Variants in TPTE2 observed in about 807,000 individuals in gnomAD.
TPTE2 encodes phosphatidylinositol 3,4,5-trisphosphate 3-phosphatase TPTE2.
A neutral mutation model predicts 78.6 loss-of-function variants in TPTE2; 53 were observed. The ratio of observed to expected loss-of-function variants is 0.67; its 90% CI spans 0.54 to 0.85. TPTE2 has a LOEUF of 0.85. Ranked by LOEUF, TPTE2 falls within the 40% of genes least tolerant of loss-of-function variation. TPTE2 has a pLI of 0.00. For missense variants in TPTE2, 461 were observed against 623.0 expected (o/e 0.74, Z 2.77); for synonymous variants, 175 against 206.2 (o/e 0.85, Z 1.30).
the TPTE2 span, among the ~76,000 whole-genome samples, chr13:19,555,955 G>A: frequency 1.1e-4 from 16 of 151,868 alleles, no homozygotes; most frequent in African/African-American, 3.6e-4. Flanking sequence ...TGGGATTACA[G>A]GCGCCCACCA....
intron 1 of TPTE2, among the ~76,000 whole-genome samples, chr13:19,531,318 T>C (rs1445318538): frequency 1.3e-5 from 2 of 152,156 alleles, no homozygotes; most frequent in Non-Finnish European, 2.9e-5. Context: ...TCTGCAGCAA[T>C]TTACATCTTT....
chr13:19,519,739 C>T (rs1417735285), intron 1 of TPTE2, among the ~76,000 whole-genome samples: 1 of 152,100 alleles, frequency 6.6e-6, no homozygotes, highest in African/African-American at 2.4e-5. Context: ...TGTTCTTCTT[C>T]AAGATTGTTT....
chr13:19,475,460 A>G, intron 5 of TPTE2, 113 bp downstream of exon 8: 1 of 1,186,292 alleles, frequency 8.4e-7, no homozygotes, highest in Non-Finnish European at 1.2e-6. Flanking sequence ...TCCTGACTTC[A>G]TGTGATCTGC....
intron 16 of TPTE2, among the ~76,000 whole-genome samples, chr13:19,431,562 T>C (rs1876604863): frequency 1.3e-5 from 2 of 152,248 alleles, no homozygotes; most frequent in Non-Finnish European, 2.9e-5. Context: ...CTTTGATTGT[T>C]CATCTCATAT....
At chr13:19,438,127 G>A (rs142982337) in exon 14 of TPTE2, 350 of 1,609,244 alleles carry the variant, frequency 2.2e-4, no homozygotes, top group African/African-American at 2.1e-4. Context: ...GCAATAAGGA[G>A]GGCACAAACC....
upstream of TPTE2, among the ~76,000 whole-genome samples, chr13:19,540,278 C>A (rs1871401213): frequency 1.1e-5 from 1 of 92,764 alleles, no homozygotes; most frequent in Non-Finnish European, 2.3e-5. Flanking sequence ...CCAATTAAAT[C>A]TCATTATTAT....
At chr13:19,511,040 T>C (rs529079061) in intron 1 of TPTE2, among the ~76,000 whole-genome samples, 1 of 152,334 alleles carries the variant, frequency 6.6e-6, no homozygotes, top group African/African-American at 2.4e-5. Context: ...GGTGTAACCA[T>C]TGGGAGAGCA....
At chr13:19,477,825 T>G (rs2137600100) in intron 4 of TPTE2, among the ~76,000 whole-genome samples, 1 of 152,356 alleles carries the variant, frequency 6.6e-6, no homozygotes, top group Non-Finnish European at 1.5e-5. Flanking sequence ...AGCAGTTATG[T>G]GCAGAGTTTG....
intron 3 of TPTE2, among the ~76,000 whole-genome samples, chr13:19,487,545 C>T (rs1348123921): frequency 1.3e-5 from 2 of 152,038 alleles, no homozygotes; most frequent in Non-Finnish European, 2.9e-5. Flanking sequence ...GTGAGTTTAC[C>T]CTGGATGGGA....
chr13:19,544,516 A>T, the TPTE2 span, among the ~76,000 whole-genome samples: 1 of 152,238 alleles, frequency 6.6e-6, no homozygotes, highest in Non-Finnish European at 1.5e-5. Flanking sequence ...TAGATAGATT[A>T]AATAGAAAAA....
chr13:19,526,417 G>A (rs529341955), intron 1 of TPTE2, among the ~76,000 whole-genome samples: 1 of 150,646 alleles, frequency 6.6e-6, no homozygotes, highest in Admixed American at 6.6e-5. Context: ...AAGCCTGGAG[G>A]CCATCCAGCT....
At chr13:19,536,808 G>A (rs1325008937), upstream of TPTE2, 3 of 151,692 alleles carry the variant, frequency 2.0e-5, no homozygotes, top group Non-Finnish European at 1.5e-5. Flanking sequence ...GTTTTTTTGG[G>A]GGGGTATGTT....
intron 13 of TPTE2, among the ~76,000 whole-genome samples, chr13:19,448,982 A>G (rs1315674471): frequency 6.6e-6 from 1 of 152,246 alleles, no homozygotes. Context: ...CTGTCACAAG[A>G]TAATATGGAT....
At chr13:19,446,470 T>G (rs1449377086) in intron 13 of TPTE2, among the ~76,000 whole-genome samples, 1 of 151,976 alleles carries the variant, frequency 6.6e-6, no homozygotes, top group Non-Finnish European at 1.5e-5. Flanking sequence ...AAAAAATACT[T>G]CCCCCCCAAC....
chr13:19,496,387 T>C (rs1180505544), intron 1 of TPTE2, among the ~76,000 whole-genome samples: 1 of 152,200 alleles, frequency 6.6e-6, no homozygotes, highest in African/African-American at 2.4e-5. Flanking sequence ...GTGAATTTCT[T>C]TTAAATTCAA....
chr13:19,475,516 G>A lies in TPTE2; in HGVS notation c.230+57C>T, dbSNP rs568636862. Reference sequence around the variant, plus strand: ...GCTGGGATTACAGGCGTGAGCCACTGCACCCAGCCAAGTCTCAGATATATT... The same window carrying A: ...GCTGGGATTACAGGCGTGAGCCACTACACCCAGCCAAGTCTCAGATATATT... On this transcript the variant is annotated intron_variant, in intron 5 of 19. Transcript: ENST00000400230. 75 of 1,586,574 alleles carry A rather than the reference G, an allele frequency of 4.7e-5. No homozygotes were observed. The African/African-American group carries it at 7.8e-4, about 17-fold the overall frequency.
chr13:19,561,340 C>G, the TPTE2 span: 1 of 600,396 alleles, frequency 1.7e-6, no homozygotes, highest in South Asian at 3.0e-5. Flanking sequence ...TCCACCTCCT[C>G]GCGACCGGCC....
At chr13:19,511,590 G>A (rs1309648808) in intron 1 of TPTE2, among the ~76,000 whole-genome samples, 1 of 152,122 alleles carries the variant, frequency 6.6e-6, no homozygotes, top group Non-Finnish European at 1.5e-5. Flanking sequence ...GGTTCTTTGG[G>A]TAAACGGCTG....
At chr13:19,435,755 G>GACACACACAGACAC (rs1877032225) in intron 15 of TPTE2, among the ~76,000 whole-genome samples, 2 of 137,642 alleles carry the variant, frequency 1.5e-5, no homozygotes, top group African/African-American at 5.3e-5. Context: ...ACACAGAAAA[G>GACACACACAGACAC]ACACACACAC....
Sources: allele counts gnomAD v4.1 joint callset (sites outside exome capture counted in the v4.1 genomes callset), GRCh38; gene constraint gnomAD v4.1.1; transcripts MANE v1.5; gene names NCBI Gene and HGNC (gene_info 2026-07-23, HGNC 2026-07-21).